RBFOX1: variants seen among roughly 807,000 people sequenced by gnomAD.
The protein encoded by RBFOX1 is RNA binding protein fox-1 homolog 1.
A neutral mutation model predicts 57.7 loss-of-function variants in RBFOX1; 8 were observed. That is an observed-to-expected ratio of 0.14 (90% CI 0.08 to 0.25). The LOEUF is 0.25. Ranked by LOEUF, RBFOX1 falls within the 10% of genes least tolerant of loss-of-function variation. The pLI is 1.00. For synonymous variants in RBFOX1, 326 were observed against 222.4 expected, an observed-to-expected ratio of 1.47 and a Z score of -4.15; for missense variants, 611 against 548.5, an observed-to-expected ratio of 1.11 and a Z score of -1.14.
At chr16:6,050,912 C>G (rs2095545373) in intron 1 of RBFOX1, among the ~76,000 whole-genome samples, 1 of 150,562 alleles carries the variant, frequency 6.6e-6, no homozygotes. Flanking sequence ...CAATCATCAA[C>G]CGGTGAGAGC....
intron 1 of RBFOX1, among the ~76,000 whole-genome samples, chr16:6,173,720 C>T (rs1161575340): frequency 1.4e-5 from 2 of 148,048 alleles, no homozygotes; most frequent in Non-Finnish European, 3.0e-5. Flanking sequence ...AGTGATTCTC[C>T]CGCCTGAACC....
At chr16:7,080,710 C>T (rs1373907759) in intron 4 of RBFOX1, among the ~76,000 whole-genome samples, 1 of 152,162 alleles carries the variant, frequency 6.6e-6, no homozygotes, top group South Asian at 2.1e-4. Context: ...TTAGGGTATG[C>T]TTCCCATCAC....
intron 4 of RBFOX1, among the ~76,000 whole-genome samples, chr16:7,190,720 C>T (rs908159020): frequency 9.4e-6 from 1 of 106,288 alleles, no homozygotes; most frequent in Admixed American, 9.0e-5. Context: ...CCACTGTGTT[C>T]TCCTGGCCTT....
intron 2 of RBFOX1, among the ~76,000 whole-genome samples, chr16:5,507,709 A>G (rs2151713513): frequency 6.6e-6 from 1 of 152,340 alleles, no homozygotes; most frequent in East Asian, 1.9e-4. Context: ...CCTTATAAAA[A>G]GATGAACTTT....
intron 2 of RBFOX1, among the ~76,000 whole-genome samples, chr16:6,423,066 G>A (rs906845922): frequency 6.6e-6 from 1 of 152,164 alleles, no homozygotes; most frequent in Non-Finnish European, 1.5e-5. Flanking sequence ...CCGCTGATGG[G>A]CAGCTAGGTT....
chr16:7,065,813 C>T (rs920253891), intron 4 of RBFOX1, among the ~76,000 whole-genome samples: 1 of 152,158 alleles, frequency 6.6e-6, no homozygotes, highest in Non-Finnish European at 1.5e-5. Context: ...AATCCTCCAG[C>T]CTCCAAGCCT....
At chr16:5,855,962 C>T (rs1241294232) in intron 3 of RBFOX1, among the ~76,000 whole-genome samples, 3 of 131,710 alleles carry the variant, frequency 2.3e-5, no homozygotes, top group East Asian at 2.1e-4. Context: ...AAGTTTATTC[C>T]TATGTATGTT....
At chr16:7,241,372 G>A (rs189860651) in intron 4 of RBFOX1, among the ~76,000 whole-genome samples, 1 of 152,270 alleles carries the variant, frequency 6.6e-6, no homozygotes, top group African/African-American at 2.4e-5. Flanking sequence ...AAGAGCATGT[G>A]ATTCCCTGTA....
intron 14 of RBFOX1, among the ~76,000 whole-genome samples, chr16:7,697,628 C>T: frequency 6.6e-6 from 1 of 152,102 alleles, no homozygotes; most frequent in East Asian, 1.9e-4. Context: ...GTGAAAAAAA[C>T]ATACACTCAG....
chr16:7,373,707 A>G (rs756771284), intron 4 of RBFOX1, among the ~76,000 whole-genome samples: 21 of 152,218 alleles, frequency 1.4e-4, no homozygotes, highest in Non-Finnish European at 2.5e-4. Flanking sequence ...CAGTTATTGA[A>G]GTTGATCATT....
At chr16:6,571,172 A>G (rs1198908515) in intron 2 of RBFOX1, among the ~76,000 whole-genome samples, 1 of 152,196 alleles carries the variant, frequency 6.6e-6, no homozygotes, top group African/African-American at 2.4e-5. Context: ...TGTTTTGACA[A>G]CTACAAACAA....
chr16:5,452,655 T>G (rs2068463195), intron 1 of RBFOX1, among the ~76,000 whole-genome samples: 1 of 151,786 alleles, frequency 6.6e-6, no homozygotes, highest in African/African-American at 2.4e-5. Context: ...TTGACTTTTT[T>G]TTTTTTGAGA....
intron 3 of RBFOX1, among the ~76,000 whole-genome samples, chr16:6,998,630 C>T (rs939635680): frequency 2.0e-5 from 3 of 152,228 alleles, no homozygotes; most frequent in African/African-American, 4.8e-5. Flanking sequence ...TTTGGTGTCT[C>T]CAAATTGCAA....
chr16:6,940,562 G>A (rs997499102), intron 3 of RBFOX1, among the ~76,000 whole-genome samples: 1 of 152,042 alleles, frequency 6.6e-6, no homozygotes, highest in Non-Finnish European at 1.5e-5. Flanking sequence ...CTCTTGGAGA[G>A]AAGCAAAAAA....
chr16:5,983,440 G>C (rs1485289532), intron 4 of RBFOX1, among the ~76,000 whole-genome samples: 2 of 152,188 alleles, frequency 1.3e-5, no homozygotes, highest in South Asian at 4.1e-4. Flanking sequence ...AAGGAAAGGA[G>C]ATAAGGGCTG....
intron 1 of RBFOX1, among the ~76,000 whole-genome samples, chr16:5,432,077 A>G (rs1347435187): frequency 2.0e-5 from 3 of 152,220 alleles, no homozygotes; most frequent in Non-Finnish European, 4.4e-5. Context: ...TGGGGACTGC[A>G]CAGCCCTGAG....
intron 2 of RBFOX1, among the ~76,000 whole-genome samples, chr16:6,336,560 G>C (rs899383714): frequency 6.6e-6 from 1 of 152,000 alleles, no homozygotes; most frequent in African/African-American, 2.4e-5. Context: ...TCTAGAGAGG[G>C]CTGGATGTTG....
chr16:5,909,605 C>T (rs745954363), intron 4 of RBFOX1, among the ~76,000 whole-genome samples: 12 of 152,096 alleles, frequency 7.9e-5, no homozygotes, highest in Non-Finnish European at 1.8e-4. Flanking sequence ...TAAGTGAAGC[C>T]ACTGGAGAGC....
chr16:7,390,394 G>A (rs1363691949), intron 4 of RBFOX1, among the ~76,000 whole-genome samples: 3 of 152,202 alleles, frequency 2.0e-5, no homozygotes, highest in Non-Finnish European at 4.4e-5. Context: ...TCTTAACTAT[G>A]AGATTTCGAT....
Sources: gnomAD v4.1 joint callset for allele counts (sites outside exome capture counted in the v4.1 genomes callset) on GRCh38, gnomAD v4.1.1 for gene constraint, MANE v1.5 for transcripts, NCBI Gene and HGNC (gene_info 2026-07-23, HGNC 2026-07-21) for gene names.